The following AKAP3 variants were observed in gnomAD, a reference collection of about 807,000 sequenced individuals.
AKAP3 encodes A-kinase anchoring protein 3, also known as A-kinase anchor protein 3.
A neutral mutation model predicts 57.2 loss-of-function variants in AKAP3; 27 were observed. That is an observed-to-expected ratio of 0.47 (90% CI 0.35 to 0.65). The LOEUF (loss-of-function observed/expected upper bound fraction) is 0.65. AKAP3 is among the 30% of genes least tolerant of loss of function. The pLI is 0.01. For synonymous variants in AKAP3, 334 were observed against 392.3 expected, an observed-to-expected ratio of 0.85 and a Z score of 1.76; for missense variants, 959 against 1,040.0, an observed-to-expected ratio of 0.92 and a Z score of 1.07.
At chr12:4,643,465 A>G (rs1183524768) in intron 2 of AKAP3, among the ~76,000 whole-genome samples, 1 of 152,206 alleles carries the variant, frequency 6.6e-6, no homozygotes, top group East Asian at 1.9e-4. Flanking sequence ...AAAAAAGAGA[A>G]AATGATACTT....
rs1945428239 is a variant in AKAP3, at chr12:4,627,170, T to C, written c.1732A>G (p.Ile578Val). 7.4e-6 allele frequency: 12 copies of C among 1,614,092 alleles called. No individual in the cohort carries two copies. The highest frequency in any genetic ancestry group is 1.0e-5 in the Non-Finnish European group (12 of 1,180,012). The part of the protein sequence containing the change: ...PDESCLKSAP[I>V]VGDQEQAEKK... The stretch of plus-strand genomic sequence containing the variant: ...TCTGCTTGTTCTTGGTCACCTACAA[T>C]GGGAGCAGACTTAAGGCAAGATTCA... The change falls in exon 5 of 6, where the codon ATT (isoleucine) becomes GTT (valine). Residue 578 changes from isoleucine to valine, a missense_variant. Coordinates refer to ENST00000228850, the MANE Select transcript of AKAP3 (RefSeq NM_001278309.2).
intron 5 of AKAP3, among the ~76,000 whole-genome samples, chr12:4,622,029 A>C (rs1945353746): frequency 6.6e-6 from 1 of 152,168 alleles, no homozygotes; most frequent in East Asian, 1.9e-4. Context: ...GCAATAAGAA[A>C]ATGGGCAGAA....
At chr12:4,631,348 C>T (rs1326743942) in intron 4 of AKAP3, 1 of 701,716 alleles carries the variant, frequency 1.4e-6, no homozygotes, top group East Asian at 2.7e-5. Context: ...TTTGTGCTCA[C>T]ATGGAAGGAG....
At chr12:4,626,349 A>C (rs1945411332) in intron 5 of AKAP3, 147 bp downstream of exon 5, 1 of 979,338 alleles carries the variant, frequency 1.0e-6, no homozygotes, top group Non-Finnish European at 1.5e-6. Flanking sequence ...TTTATCCATT[A>C]TCTCTGCCAG....
At chr12:4,628,967 T>C (rs1328171838) in intron 4 of AKAP3, among the ~76,000 whole-genome samples, 162 bp from the exon 5 acceptor site, 4 of 152,250 alleles carry the variant, frequency 2.6e-5, no homozygotes, top group African/African-American at 7.2e-5. Flanking sequence ...GTATCAGACA[T>C]TGTTCCAAGT....
At chr12:4,636,297 A>G (rs1591532782) in intron 4 of AKAP3, among the ~76,000 whole-genome samples, 3 of 152,248 alleles carry the variant, frequency 2.0e-5, no homozygotes, top group South Asian at 2.1e-4. Context: ...AGCCCCAGGC[A>G]TGGCCCGTAG....
Position 4,627,927 on chromosome 12 carries a change from A to G in AKAP3, c.975T>C (p.His325=), listed in dbSNP as rs773177262. ...TILLKKVLLK[H]AKEVVSDLID... is the part of the protein sequence containing the mutation. ...TGAGATCCGAGACCACCTCTTTTGC[A>G]TGCTTGAGCAGAACCTTCTTCAGTA... The change falls in exon 5 of 6, where the codon CAT becomes CAC. Residue 325 remains histidine (H), a synonymous_variant. Coordinates refer to ENST00000228850, the MANE Select transcript of AKAP3 (RefSeq NM_001278309.2). 1.2e-6 allele frequency: 2 copies of G among 1,614,118 alleles called. No individual in the cohort carries two copies. The highest frequency in any genetic ancestry group is 1.7e-6 in the Non-Finnish European group (2 of 1,180,028).
intron 3 of AKAP3, among the ~76,000 whole-genome samples, chr12:4,640,934 C>G (rs1429755119): frequency 6.6e-6 from 1 of 152,030 alleles, no homozygotes; most frequent in Non-Finnish European, 1.5e-5. Flanking sequence ...TAAAACACAT[C>G]AAGAATTGAG....
chr12:4,640,598 T>TA (rs1945625284), intron 3 of AKAP3, among the ~76,000 whole-genome samples: 1 of 152,354 alleles, frequency 6.6e-6, no homozygotes, highest in South Asian at 2.1e-4. Flanking sequence ...GTGTTTTAGA[T>TA]AATCATTACA....
intron 1 of AKAP3, chr12:4,645,886 T>A (rs1020615503): frequency 6.6e-6 from 1 of 152,178 alleles, no homozygotes; most frequent in African/African-American, 2.4e-5. Context: ...GTAAGTATTA[T>A]GTATTAACAA....
At chr12:4,634,168 T>TA (rs1421330962) in intron 4 of AKAP3, among the ~76,000 whole-genome samples, 1 of 152,096 alleles carries the variant, frequency 6.6e-6, no homozygotes, top group African/African-American at 2.4e-5. Flanking sequence ...ATACCTAAAA[T>TA]AGTGCAATAT....
rs116408184 is a variant in AKAP3 at position 4,640,771 on chromosome 12, A to G, written c.-1+1128T>C. Among the ~76,000 whole-genome samples the G allele has an allele frequency of 7.6e-3, 1,163 of 152,330 alleles. 16 individuals carry two copies. The highest frequency in any genetic ancestry group is 0.026 in the African/African-American group (1,101 of 41,574). Reference sequence around the variant, plus strand: ...CAATGGATTCCTTAGGTAAACAATGAGTTCTCCATCCTAATTAGACATGAG... The same window carrying G: ...CAATGGATTCCTTAGGTAAACAATGGGTTCTCCATCCTAATTAGACATGAG... On this transcript the variant is annotated intron_variant, in intron 3 of 5. Transcript: ENST00000228850.
intron 4 of AKAP3, among the ~76,000 whole-genome samples, chr12:4,634,696 A>C (rs1945542081): frequency 6.6e-6 from 1 of 150,618 alleles, no homozygotes; most frequent in Admixed American, 6.7e-5. Flanking sequence ...CAAATTCCTA[A>C]AACAAGATGG....
At chr12:4,648,131 CA>C (rs1945721102) in intron 1 of AKAP3, 1 of 152,188 alleles carries the variant, frequency 6.6e-6, no homozygotes, top group Non-Finnish European at 1.5e-5. Context: ...TTTTAAAATC[CA>C]AGCGCTTAGT....
chr12:4,633,363 G>T (rs371205907), intron 4 of AKAP3, among the ~76,000 whole-genome samples: 16 of 152,188 alleles, frequency 1.1e-4, no homozygotes, highest in African/African-American at 3.9e-4. Context: ...ACAGAATTGT[G>T]TTAAGTTGCT....
At chr12:4,640,620 A>C (rs1000804866) in intron 3 of AKAP3, among the ~76,000 whole-genome samples, 13 of 152,224 alleles carry the variant, frequency 8.5e-5, no homozygotes, top group Admixed American at 6.5e-4. Flanking sequence ...AGAAAATACA[A>C]GATCTTTTAA....
At chr12:4,647,571 C>CATG (rs947306809) in intron 1 of AKAP3, among the ~76,000 whole-genome samples, 4 of 151,804 alleles carry the variant, frequency 2.6e-5, no homozygotes, top group African/African-American at 9.7e-5. Flanking sequence ...GAACTGAGAA[C>CATG]ATGAGGCAGT....
chr12:4,628,650 G>A lies in AKAP3; in HGVS notation c.252C>T (p.Asp84=), dbSNP rs1945459189. 2.5e-6 allele frequency: 4 copies of A among 1,614,212 alleles called. No homozygotes were observed. The Admixed American group carries it at 5.0e-5, about 20-fold the overall frequency. ...TGCCCTTGGTGGTGGTGTTGTAATA[G>A]TCTACAGAGAAACCTTTGTGTGGGT... ...SGDPHKGFSV[D]YYNTTTKGTP... is the part of the protein sequence containing the mutation. The change falls in exon 5 of 6, where the codon GAC becomes GAT. Residue 84 remains aspartate (D), a synonymous_variant. Coordinates refer to ENST00000228850, the MANE Select transcript of AKAP3 (RefSeq NM_001278309.2).
chr12:4,628,046 T>G lies in AKAP3; in HGVS notation c.856A>C (p.Met286Leu). The G allele has an allele frequency of 6.2e-7, 1 of 1,614,158 alleles. No homozygotes were observed. ...DFTASVSEGI[M>L]TYANSVVSDM... ...GATACCACACTGTTAGCATAGGTCA[T>G]GATCCCTTCACTAACAGAAGCCGTA... Residue 286 changes from methionine (M) to leucine (L), a missense_variant, in exon 5 of 6, where the codon ATG becomes CTG. Met to Leu is a conservative substitution (Grantham distance 15). Transcript: ENST00000228850.
Sources: allele counts gnomAD v4.1 joint callset (sites outside exome capture counted in the v4.1 genomes callset), GRCh38; gene constraint gnomAD v4.1.1; transcripts MANE v1.5; gene names NCBI Gene and HGNC (gene_info 2026-07-23, HGNC 2026-07-21).